Variants in LRRTM4 observed in about 807,000 individuals in gnomAD.
The protein encoded by LRRTM4 is leucine-rich repeat transmembrane neuronal protein 4.
Under a neutral mutation model 47.6 loss-of-function variants are expected in LRRTM4, and 25 were observed. The observed-to-expected ratio is 0.53, with a 90% CI of 0.38 to 0.73. The LOEUF is 0.73. Among genes scored for constraint, LRRTM4 ranks in the 30% least tolerant of loss-of-function variants. LRRTM4 has a pLI of 0.00. For missense variants in LRRTM4, 638 were observed against 713.4 expected, an observed-to-expected ratio of 0.89 and a Z score of 1.20; for synonymous variants, 311 against 269.5, an observed-to-expected ratio of 1.15 and a Z score of -1.51.
chr2:77,058,364 C>A (rs1226975924), intron 3 of LRRTM4, among the ~76,000 whole-genome samples: 1 of 152,134 alleles, frequency 6.6e-6, no homozygotes, highest in Admixed American at 6.5e-5. Flanking sequence ...AAAGCCAAGT[C>A]TACTGGCGAA....
At chr2:77,234,208 C>G (rs187582148) in intron 3 of LRRTM4, among the ~76,000 whole-genome samples, 1 of 152,078 alleles carries the variant, frequency 6.6e-6, no homozygotes, top group East Asian at 1.9e-4. Context: ...ATCATATAAA[C>G]GAGATATATG....
intron 3 of LRRTM4, among the ~76,000 whole-genome samples, chr2:77,359,510 C>G (rs965911410): frequency 3.3e-5 from 5 of 152,130 alleles, no homozygotes; most frequent in Non-Finnish European, 7.4e-5. Flanking sequence ...ATTCTAAGCC[C>G]TTTTCTAATT....
At chr2:77,155,872 A>G (rs1187625677) in intron 3 of LRRTM4, among the ~76,000 whole-genome samples, 1 of 152,160 alleles carries the variant, frequency 6.6e-6, no homozygotes, top group African/African-American at 2.4e-5. Context: ...ATCACATAAC[A>G]GCTAACAGGG....
intron 3 of LRRTM4, among the ~76,000 whole-genome samples, chr2:77,334,619 G>T (rs1421740464): frequency 6.6e-6 from 1 of 152,158 alleles, no homozygotes; most frequent in Non-Finnish European, 1.5e-5. Flanking sequence ...ATGTGGAACT[G>T]CAAGTCCAAT....
At chr2:77,089,389 C>T (rs1680848665) in intron 3 of LRRTM4, among the ~76,000 whole-genome samples, 1 of 151,804 alleles carries the variant, frequency 6.6e-6, no homozygotes, top group Non-Finnish European at 1.5e-5. Flanking sequence ...TTCCACGCCC[C>T]AACCTCTTAT....
At chr2:76,761,158 T>C (rs1673239558) in intron 3 of LRRTM4, among the ~76,000 whole-genome samples, 1 of 152,234 alleles carries the variant, frequency 6.6e-6, no homozygotes, top group African/African-American at 2.4e-5. Context: ...GTACACAGTA[T>C]GATTTAACTA....
At chr2:77,392,068 C>T (rs914103256) in intron 3 of LRRTM4, among the ~76,000 whole-genome samples, 3 of 152,028 alleles carry the variant, frequency 2.0e-5, no homozygotes, top group Non-Finnish European at 4.4e-5. Flanking sequence ...TAGGTCCCTC[C>T]AAAGAGTCTG....
At chr2:77,139,572 C>T (rs1387917838) in intron 3 of LRRTM4, among the ~76,000 whole-genome samples, 1 of 152,120 alleles carries the variant, frequency 6.6e-6, no homozygotes, top group Non-Finnish European at 1.5e-5. Context: ...TGGCACAAGA[C>T]AGGGATGCCC....
At chr2:77,202,662 A>T (rs887629663) in intron 3 of LRRTM4, among the ~76,000 whole-genome samples, 13 of 151,864 alleles carry the variant, frequency 8.6e-5, no homozygotes, top group African/African-American at 2.9e-4. Flanking sequence ...TCACTGTGCT[A>T]TACTAGATGA....
intron 3 of LRRTM4, among the ~76,000 whole-genome samples, chr2:77,434,034 A>G (rs1223675409): frequency 6.6e-6 from 1 of 152,190 alleles, no homozygotes; most frequent in Non-Finnish European, 1.5e-5. Context: ...ACTTCCCAGC[A>G]TGTAAGTTGC....
At chr2:76,898,680 C>A (rs1257367339) in intron 3 of LRRTM4, among the ~76,000 whole-genome samples, 1 of 150,338 alleles carries the variant, frequency 6.7e-6, no homozygotes, top group Admixed American at 6.7e-5. Flanking sequence ...TATAGAGTTT[C>A]CTGAGCATCT....
chr2:77,341,999 G>A (rs949754496), intron 3 of LRRTM4, among the ~76,000 whole-genome samples: 4 of 151,908 alleles, frequency 2.6e-5, no homozygotes, highest in African/African-American at 4.8e-5. Flanking sequence ...GTTAGTGGGT[G>A]TATCAGAGAC....
intron 3 of LRRTM4, among the ~76,000 whole-genome samples, chr2:77,088,453 C>T (rs540901948): frequency 6.6e-6 from 1 of 152,176 alleles, no homozygotes; most frequent in East Asian, 1.9e-4. Context: ...CAAAAAGCAC[C>T]CCGACTGAGC....
At chr2:77,252,938 T>C (rs997697650) in intron 3 of LRRTM4, among the ~76,000 whole-genome samples, 3 of 152,114 alleles carry the variant, frequency 2.0e-5, no homozygotes, top group African/African-American at 7.2e-5. Context: ...CTTCATATGG[T>C]CGTTGTGTTG....
At chr2:76,910,722 G>A (rs1263442269) in intron 3 of LRRTM4, among the ~76,000 whole-genome samples, 5 of 152,130 alleles carry the variant, frequency 3.3e-5, no homozygotes, top group Non-Finnish European at 7.3e-5. Flanking sequence ...CACTCATTCA[G>A]AAACACTCTG....
intron 3 of LRRTM4, among the ~76,000 whole-genome samples, chr2:77,118,580 A>C (rs1404041140): frequency 6.6e-6 from 1 of 151,932 alleles, no homozygotes; most frequent in Non-Finnish European, 1.5e-5. Context: ...TTGCTAAAGC[A>C]TAATTGCTGA....
intron 3 of LRRTM4, among the ~76,000 whole-genome samples, chr2:76,904,873 A>T (rs1018423372): frequency 1.3e-5 from 2 of 152,256 alleles, no homozygotes; most frequent in Non-Finnish European, 2.9e-5. Flanking sequence ...TTGAAAAGGC[A>T]TCATTCTTGG....
intron 3 of LRRTM4, among the ~76,000 whole-genome samples, chr2:76,756,043 T>A (rs1270295012): frequency 6.6e-6 from 1 of 152,084 alleles, no homozygotes; most frequent in Non-Finnish European, 1.5e-5. Flanking sequence ...GATACCAAAT[T>A]ATAGGCAAGA....
At chr2:76,899,987 G>C (rs1400090604) in intron 3 of LRRTM4, among the ~76,000 whole-genome samples, 1 of 152,100 alleles carries the variant, frequency 6.6e-6, no homozygotes, top group African/African-American at 2.4e-5. Flanking sequence ...TCAGCACTTT[G>C]GGGGGCCAAA....
Sources: gnomAD v4.1 joint callset for allele counts (sites outside exome capture counted in the v4.1 genomes callset) on GRCh38, gnomAD v4.1.1 for gene constraint, MANE v1.5 for transcripts, NCBI Gene and HGNC (gene_info 2026-07-23, HGNC 2026-07-21) for gene names.